The following CLEC18B variants were observed in gnomAD, a reference collection of about 807,000 sequenced individuals.
CLEC18B encodes mannose receptor-like 2.
A neutral mutation model predicts 60.4 loss-of-function variants in CLEC18B; 5 were observed. The ratio of observed to expected loss-of-function variants is 0.08; its 90% CI spans 0.04 to 0.17. CLEC18B has a LOEUF of 0.17. Ranked by LOEUF, CLEC18B falls within the 10% of genes least tolerant of loss-of-function variation. CLEC18B has a pLI of 1.00. For synonymous variants in CLEC18B, 16 were observed against 221.2 expected (o/e 0.07, Z 8.23); for missense variants, 26 against 572.8 (o/e 0.05, Z 9.74).
upstream of CLEC18B, among the ~76,000 whole-genome samples, chr16:74,423,874 G>C (rs2013758141): frequency 6.6e-6 from 1 of 152,224 alleles, no homozygotes; most frequent in Non-Finnish European, 1.5e-5. Context: ...CGTAGAGCTG[G>C]GATGACCCCT....
upstream of CLEC18B, among the ~76,000 whole-genome samples, chr16:74,423,814 G>A (rs2013757363): frequency 6.6e-6 from 1 of 152,166 alleles, no homozygotes; most frequent in South Asian, 2.1e-4. Context: ...CCGACACGCT[G>A]TGTGACCCTG....
chr16:74,416,468 G>A (rs2013420544), intron 3 of CLEC18B, among the ~76,000 whole-genome samples: 1 of 151,924 alleles, frequency 6.6e-6, no homozygotes, highest in African/African-American at 2.4e-5. Flanking sequence ...CACCTCCCAG[G>A]CTCCAGCAAT....
chr16:74,412,274 G>C (rs2013199429), intron 6 of CLEC18B, 28 bp from the exon 7 acceptor site: 1 of 836,194 alleles, frequency 1.2e-6, no homozygotes, highest in Non-Finnish European at 2.0e-6. Context: ...TGGGGCAGAG[G>C]CTCAGCCCCC....
chr16:74,416,398 G>A (rs2013417044), intron 3 of CLEC18B, among the ~76,000 whole-genome samples: 1 of 152,246 alleles, frequency 6.6e-6, no homozygotes, highest in African/African-American at 2.4e-5. Context: ...CTGAGCCAGG[G>A]TTTTACTCCT....
upstream of CLEC18B, among the ~76,000 whole-genome samples, chr16:74,423,464 G>A (rs573230536): frequency 9.8e-5 from 15 of 152,408 alleles, no homozygotes; most frequent in Admixed American, 5.2e-4. Context: ...CAAGGCAGGC[G>A]GATCACTTGA....
At chr16:74,423,967 C>T (rs528114618), upstream of CLEC18B, among the ~76,000 whole-genome samples, 91 of 152,316 alleles carry the variant, frequency 6.0e-4, no homozygotes, top group African/African-American at 2.0e-3. Context: ...GGAGCCTGCT[C>T]GGTGGCTGGG....
At chr16:74,414,543 G>A (rs1478596591) in intron 3 of CLEC18B, among the ~76,000 whole-genome samples, 1 of 143,152 alleles carries the variant, frequency 7.0e-6, no homozygotes, top group East Asian at 2.0e-4. Flanking sequence ...AACAAACTCA[G>A]TATAGGAGTT....
chr16:74,422,113 C>T (rs557676177), upstream of CLEC18B: 54 of 149,010 alleles, frequency 3.6e-4, 1 homozygote, highest in East Asian at 1.2e-3. Flanking sequence ...GGATCACGTC[C>T]GCCTCTAGAA....
chr16:74,422,448 G>GT (rs2013722598), upstream of CLEC18B: 1 of 151,264 alleles, frequency 6.6e-6, no homozygotes, highest in African/African-American at 2.4e-5. Flanking sequence ...TGCAGGTAGG[G>GT]TTGGCTTTCC....
At chr16:74,418,672 G>T (rs541998774) in intron 2 of CLEC18B, among the ~76,000 whole-genome samples, 1 of 152,144 alleles carries the variant, frequency 6.6e-6, no homozygotes, top group Non-Finnish European at 1.5e-5. Context: ...GCTCCCACCC[G>T]GCCATGCTGC....
upstream of CLEC18B, among the ~76,000 whole-genome samples, chr16:74,424,064 C>T (rs1326197713): frequency 1.7e-4 from 26 of 152,224 alleles, no homozygotes; most frequent in Admixed American, 7.9e-4. Context: ...ACCACCCAGA[C>T]TGTAGGATTC....
chr16:74,423,811 G>A (rs1408668074), upstream of CLEC18B, among the ~76,000 whole-genome samples: 3 of 152,128 alleles, frequency 2.0e-5, no homozygotes, highest in Admixed American at 6.6e-5. Context: ...GAACCGACAC[G>A]CTGTGTGACC....
chr16:74,422,023 A>AGG (rs1265184085), upstream of CLEC18B: 1 of 135,802 alleles, frequency 7.4e-6, no homozygotes, highest in African/African-American at 2.8e-5. Flanking sequence ...ACTACAGGCC[A>AGG]GGGGGGGAGT....
chr16:74,413,364 C>T (rs1334382240), intron 4 of CLEC18B, among the ~76,000 whole-genome samples: 4 of 152,286 alleles, frequency 2.6e-5, no homozygotes, highest in South Asian at 2.1e-4. Flanking sequence ...ATACCAGGAC[C>T]AGTATCCAGG....
intron 1 of CLEC18B, among the ~76,000 whole-genome samples, chr16:74,420,928 A>AC (rs2013655083): frequency 9.5e-6 from 1 of 105,016 alleles, no homozygotes; most frequent in Non-Finnish European, 2.1e-5. Context: ...TTCCTCCTTG[A>AC]CCCCAGCCCT....
intron 3 of CLEC18B, among the ~76,000 whole-genome samples, chr16:74,416,209 GCCGAGATCGCACCA>G (rs1597183530): frequency 6.7e-6 from 1 of 148,518 alleles, no homozygotes; most frequent in East Asian, 2.2e-4. Flanking sequence ...CTTGCAGTGA[GCCGAGATCGCACCA>G]CTGCACAGCA....
chr16:74,416,355 A>C (rs1469130894), intron 3 of CLEC18B, among the ~76,000 whole-genome samples: 2 of 151,968 alleles, frequency 1.3e-5, no homozygotes, highest in Admixed American at 1.3e-4. Context: ...CTTTGGCAGC[A>C]CCTAGTTGTA....
chr16:74,422,619 G>A (rs1413609943), upstream of CLEC18B, among the ~76,000 whole-genome samples: 2 of 147,246 alleles, frequency 1.4e-5, no homozygotes, highest in South Asian at 4.6e-4. Context: ...GCACCCTCAG[G>A]GTCACTGCGT....
Position 74,413,644 on chromosome 16 carries a change from A to AC in CLEC18B, c.488dup (p.Cys163TrpfsTer37), listed in dbSNP as rs763519428. 6.2e-7 allele frequency: 1 copy of AC among 1,613,932 alleles called. No individual in the cohort carries two copies. On this transcript the variant is annotated frameshift_variant, in exon 4 of 12. Transcript: ENST00000682950. LOFTEE classifies it high-confidence loss of function. ...GGCCTGCAGAGCACAGGTGCCGCCCACAGCCCAGCTGGCTTGAGGTGGCCC... is the reference window on the plus strand; with the variant it reads ...GGCCTGCAGAGCACAGGTGCCGCCCACCAGCCCAGCTGGCTTGAGGTGGCCC...
Sources: allele counts gnomAD v4.1 joint callset (sites outside exome capture counted in the v4.1 genomes callset), GRCh38; gene constraint gnomAD v4.1.1; transcripts MANE v1.5; gene names NCBI Gene and HGNC (gene_info 2026-07-23, HGNC 2026-07-21).